TEX2: variants seen among roughly 807,000 people sequenced by gnomAD.
TEX2 encodes testis expressed 2, also known as testis-expressed protein 2.
In TEX2, 53 loss-of-function variants were observed where a neutral mutation model predicts 106.9. The ratio of observed to expected loss-of-function variants is 0.50; its 90% confidence interval spans 0.40 to 0.62. TEX2 has a LOEUF of 0.62. Among genes scored for constraint, TEX2 ranks in the 20% least tolerant of loss-of-function variants. The pLI, the probability that TEX2 is intolerant of heterozygous loss-of-function variation, is 0.00. For missense variants in TEX2, 1,207 were observed against 1,379.0 expected (o/e 0.88, Z 1.98); for synonymous variants, 523 against 534.8 (o/e 0.98, Z 0.30).
chr17:64,165,360 A>G (rs375570516), intron 7 of TEX2, among the ~76,000 whole-genome samples: 14 of 152,280 alleles, frequency 9.2e-5, no homozygotes, highest in African/African-American at 3.4e-4. Context: ...CCACCCCTTC[A>G]AGGTTGACAA....
chr17:64,154,726 A>G (rs2030529479), intron 9 of TEX2, 116 bp downstream of exon 9: 2 of 1,269,848 alleles, frequency 1.6e-6, no homozygotes, highest in Non-Finnish European at 2.1e-6. Flanking sequence ...AAAACCATCT[A>G]CTCAACATTA....
At chr17:64,164,305 G>A (rs887039156) in intron 7 of TEX2, among the ~76,000 whole-genome samples, 17 of 152,106 alleles carry the variant, frequency 1.1e-4, no homozygotes, top group African/African-American at 4.1e-4. Context: ...AGGCATGGTG[G>A]TGCGCACCTG....
intron 1 of TEX2, among the ~76,000 whole-genome samples, chr17:64,233,292 G>A (rs1206405612): frequency 5.9e-5 from 9 of 152,300 alleles, no homozygotes; most frequent in African/African-American, 2.2e-4. Flanking sequence ...ACACACATGC[G>A]GCCTGGTGTG....
intron 1 of TEX2, among the ~76,000 whole-genome samples, chr17:64,229,505 T>C (rs1402158355): frequency 2.0e-5 from 3 of 152,166 alleles, no homozygotes; most frequent in African/African-American, 7.2e-5. Flanking sequence ...TGGGTTTTTT[T>C]TTTAATATAC....
intron 5 of TEX2, among the ~76,000 whole-genome samples, chr17:64,182,847 T>G (rs2031932363): frequency 6.6e-6 from 1 of 152,136 alleles, no homozygotes; most frequent in Admixed American, 6.5e-5. Context: ...CATCTATGCA[T>G]ATACCACACT....
intron 1 of TEX2, among the ~76,000 whole-genome samples, chr17:64,255,556 T>C (rs2034168630): frequency 6.6e-6 from 1 of 152,248 alleles, no homozygotes; most frequent in South Asian, 2.1e-4. Flanking sequence ...TTCACTTTTG[T>C]GTATGTTTTT....
chr17:64,177,890 T>C (rs2031678436), intron 5 of TEX2, among the ~76,000 whole-genome samples: 1 of 152,208 alleles, frequency 6.6e-6, no homozygotes. Flanking sequence ...GACGCCACAG[T>C]TCCCCAATGG....
At chr17:64,215,463 C>T (rs1388817890) in intron 1 of TEX2, among the ~76,000 whole-genome samples, 1 of 152,146 alleles carries the variant, frequency 6.6e-6, no homozygotes, top group African/African-American at 2.4e-5. Flanking sequence ...TGGCTCTATT[C>T]TGTTTCCAGG....
intron 1 of TEX2, 67 bp from the exon 2 acceptor site, chr17:64,214,309 A>C (rs952693832): frequency 7.5e-7 from 1 of 1,339,828 alleles, no homozygotes; most frequent in East Asian, 2.3e-5. Context: ...TGTCATTCGC[A>C]GATAGGAGCA....
chr17:64,148,917 C>A lies in TEX2; in HGVS notation c.*52G>T, dbSNP rs956924071. The A allele has an allele frequency of 3.1e-6, 5 of 1,609,706 alleles. No individual in the cohort carries two copies. In the South Asian group the frequency reaches 3.3e-5, roughly 11 times the overall value. On this transcript the variant is annotated 3_prime_UTR_variant, in exon 12 of 12. Transcript: ENST00000584379. ...CTACAGTACAGATGGCGGCCAAGAA[C>A]CCCACACATCCAGCTCGATGTCACA...
At chr17:64,171,052 A>G in intron 7 of TEX2, 48 bp downstream of exon 7, 1 of 1,462,936 alleles carries the variant, frequency 6.8e-7, no homozygotes, top group East Asian at 2.3e-5. Context: ...CTGAATCTGC[A>G]GCAAAGGATA....
intron 10 of TEX2, among the ~76,000 whole-genome samples, chr17:64,151,903 TTTTA>T (rs1240449631): frequency 2.0e-5 from 3 of 152,198 alleles, no homozygotes; most frequent in Non-Finnish European, 2.9e-5. Context: ...GATTATGGGT[TTTTA>T]TTTATTTATC....
chr17:64,160,810 C>A lies in TEX2; in HGVS notation c.2795G>T (p.Gly932Val), dbSNP rs771396323. ...LVEALKVGEIGKEGCRPRAFC... is the reference protein window; with the variant it reads ...LVEALKVGEIVKEGCRPRAFC... ...ATATATAGCCCCTTACCCTTCTTTG[C>A]CAATTTCTCCAACCTTCAGGGCTTC... Residue 932 changes from glycine (G) to valine (V), a missense_variant, in exon 8 of 12, where the codon GGC becomes GTC. By Grantham distance (109) the Gly-to-Val change is moderately radical. This residue lies in a region of TEX2 where 1,067 missense variants were observed against 1,193.6 expected (regional missense o/e 0.89). Transcript: ENST00000584379. 3 of 1,613,998 alleles carry A rather than the reference C, an allele frequency of 1.9e-6. No homozygotes were observed. Among genetic ancestry groups the A allele is most frequent in the Admixed American group, 3.3e-5 (2 of 59,992 alleles).
chr17:64,261,742 A>G (rs2034290129), intron 1 of TEX2, among the ~76,000 whole-genome samples: 1 of 152,182 alleles, frequency 6.6e-6, no homozygotes, highest in Admixed American at 6.5e-5. Flanking sequence ...AAAGAAAGAA[A>G]TGATATGGCA....
chr17:64,167,179 G>A (rs1243183746), intron 7 of TEX2, among the ~76,000 whole-genome samples: 1 of 152,144 alleles, frequency 6.6e-6, no homozygotes, highest in Non-Finnish European at 1.5e-5. Context: ...GTTGGAACAG[G>A]GACAAGCCAA....
chr17:64,216,149 A>C (rs781985740), intron 1 of TEX2, among the ~76,000 whole-genome samples: 2 of 152,234 alleles, frequency 1.3e-5, no homozygotes, highest in Non-Finnish European at 2.9e-5. Context: ...CAACAAAGCA[A>C]TTTAAATCCA....
intron 6 of TEX2, 103 bp downstream of exon 6, chr17:64,177,222 T>C (rs776470934): frequency 3.6e-6 from 5 of 1,399,006 alleles, no homozygotes; most frequent in Admixed American, 2.0e-5. Context: ...TCATATGTTA[T>C]ACGTTTAAAC....
At chr17:64,262,924 C>A (rs576188695) in intron 1 of TEX2, among the ~76,000 whole-genome samples, 35 of 152,280 alleles carry the variant, frequency 2.3e-4, no homozygotes, top group African/African-American at 7.9e-4. Flanking sequence ...GCTCCTCCCG[C>A]CGGAGTCGAG....
rs1555631838 is a variant in TEX2 at position 64,212,973 on chromosome 17, A to G, written c.1245T>C (p.Asp415=). 4 of 1,614,244 alleles carry G rather than the reference A, an allele frequency of 2.5e-6. No individual in the cohort carries two copies. In the South Asian group the frequency reaches 3.3e-5, roughly 13 times the overall value. ...CSLSALVSKE[D]EEFCELYTED... ...CAGTGTACAGTTCACAAAACTCTTC[A>G]TCTTCTTTGCTCACTAAGGCAGACA... Residue 415 remains aspartate (D), a synonymous_variant, in exon 2 of 12, where the codon GAT becomes GAC. Transcript: ENST00000584379.
Sources: gnomAD v4.1 joint callset for allele counts (sites outside exome capture counted in the v4.1 genomes callset) on GRCh38, gnomAD v4.1.1 for gene constraint, gnomAD v4.1.1 regional missense constraint, MANE v1.5 for transcripts, NCBI Gene and HGNC (gene_info 2026-07-23, HGNC 2026-07-21) for gene names.